DMD: variants seen among roughly 807,000 people sequenced by gnomAD.
DMD encodes dystrophin, also known as mutant dystrophin.
In DMD, 63 loss-of-function variants were observed where a neutral mutation model predicts 330.1. The observed-to-expected ratio is 0.19, with a 90% confidence interval of 0.16 to 0.24. The LOEUF (loss-of-function observed/expected upper bound fraction) is 0.24. Among genes scored for constraint, DMD ranks in the 10% least tolerant of loss-of-function variants. The pLI is 1.00. For synonymous variants in DMD, 1,223 were observed against 959.8 expected, an observed-to-expected ratio of 1.27 and a Z score of -5.07; for missense variants, 3,344 against 2,684.1, an observed-to-expected ratio of 1.25 and a Z score of -5.43.
chrX:32,954,960 G>T (rs768186123), intron 2 of DMD, among the ~76,000 whole-genome samples: 6 of 112,062 alleles, frequency 5.4e-5, no homozygotes, highest in Non-Finnish European at 9.4e-5. Flanking sequence ...CATTTAGGTT[G>T]ATTCCACGTC....
intron 51 of DMD, among the ~76,000 whole-genome samples, chrX:31,748,731 C>T (rs151062509): frequency 8.9e-6 from 1 of 111,832 alleles, no homozygotes; most frequent in African/African-American, 3.2e-5. Context: ...AACTTACAGA[C>T]ACCATTTGAG....
chrX:32,632,875 GC>G (rs910206479), intron 11 of DMD, among the ~76,000 whole-genome samples: 3 of 112,455 alleles, frequency 2.7e-5, no homozygotes, highest in African/African-American at 9.7e-5. Context: ...TCTCTGAAAT[GC>G]CTTCCAGGCC....
At chrX:33,216,153 C>T (rs747395433), upstream of DMD, among the ~76,000 whole-genome samples, 1 of 111,925 alleles carries the variant, frequency 8.9e-6, no homozygotes, top group South Asian at 3.7e-4. Context: ...TTCTTCCAAT[C>T]CAAGAGCATG....
chrX:31,926,686 TA>T (rs778983156), intron 47 of DMD, among the ~76,000 whole-genome samples: 4,914 of 100,500 alleles, frequency 0.049, 87 homozygotes, highest in Non-Finnish European at 0.069. Flanking sequence ...AAAAAATAAA[TA>T]AAAAAAAAAA....
At chrX:32,624,991 T>A (rs1349880933) in intron 11 of DMD, among the ~76,000 whole-genome samples, 1 of 110,989 alleles carries the variant, frequency 9.0e-6, no homozygotes, top group Non-Finnish European at 1.9e-5. Flanking sequence ...GCCAACATGG[T>A]GAAACCCCAT....
At position 32,398,131 on chromosome X, in the gene DMD, G is replaced by T. The variant is rs138559741; in HGVS notation, c.4234-7950C>A. Among the ~76,000 whole-genome samples the T allele has an allele frequency of 9.8e-3, 1,075 of 109,373 alleles. 5 individuals carry two copies. The highest frequency in any genetic ancestry group is 0.013 in the Non-Finnish European group (706 of 52,361). 95.0% of individuals were successfully genotyped at this position (109,373 alleles called of 115,157 possible). A position where few individuals can be genotyped will look rare whatever the true frequency, so the allele number is the denominator to read the frequency against. ...TTTGGGATGATATGTACTTTCCAAA[G>T]ATAGGAAAATGCAAGAAATATAATT... On this transcript the variant is annotated intron_variant, in intron 30 of 78. Transcript: ENST00000357033.
chrX:32,704,934 C>T (rs900105696), intron 7 of DMD, among the ~76,000 whole-genome samples: 3 of 112,061 alleles, frequency 2.7e-5, no homozygotes, highest in African/African-American at 9.7e-5. Flanking sequence ...TTTTTTGAGG[C>T]TTGCATACGA....
intron 60 of DMD, among the ~76,000 whole-genome samples, chrX:31,425,982 C>T (rs763711902): frequency 1.8e-5 from 2 of 111,425 alleles, no homozygotes; most frequent in African/African-American, 3.3e-5. Flanking sequence ...ACTTGGCAAC[C>T]TACTAGAAAT....
At chrX:33,236,866 A>C (rs2052493044) in intron 1 of DMD, among the ~76,000 whole-genome samples, 1 of 111,398 alleles carries the variant, frequency 9.0e-6, no homozygotes, top group African/African-American at 3.3e-5. Flanking sequence ...TTCCAGTTAC[A>C]TGTATTTGTA....
At position 32,544,671 on chromosome X, in the gene DMD, T is replaced by C. The variant is rs180867525; in HGVS notation, c.2168+488A>G. Among the ~76,000 whole-genome samples the C allele has an allele frequency of 3.6e-5, 4 of 110,906 alleles. No individual in the cohort carries two copies. In the Admixed American group the frequency reaches 3.9e-4, roughly 11 times the overall value. On this transcript the variant is annotated intron_variant, in intron 17 of 78. Transcript: ENST00000357033. ...ATATCAAAGAACAGGAAATGTGTTC[T>C]GTAATTACTCCTGATTTAGGATGCG...
intron 52 of DMD, among the ~76,000 whole-genome samples, chrX:31,714,354 G>C (rs1169366680): frequency 8.9e-6 from 1 of 111,892 alleles, no homozygotes; most frequent in East Asian, 2.8e-4. Flanking sequence ...TATTAGCACA[G>C]TGCACTGATA....
intron 55 of DMD, among the ~76,000 whole-genome samples, chrX:31,612,891 T>C (rs1273047598): frequency 1.8e-5 from 2 of 112,336 alleles, no homozygotes; most frequent in Non-Finnish European, 3.8e-5. Context: ...TTATGTTTTA[T>C]TGTAGAAAAA....
chrX:33,142,168 C>T (rs2148589688), intron 1 of DMD, among the ~76,000 whole-genome samples: 1 of 112,351 alleles, frequency 8.9e-6, no homozygotes, highest in South Asian at 3.7e-4. Context: ...TCACTGCAAC[C>T]TCCGCCTCCC....
intron 25 of DMD, among the ~76,000 whole-genome samples, chrX:32,462,423 A>C (rs771485588): frequency 8.9e-6 from 1 of 112,119 alleles, no homozygotes. Context: ...TGGTGAACTT[A>C]AAAGTATTCA....
intron 45 of DMD, among the ~76,000 whole-genome samples, chrX:31,967,926 T>C (rs2095366290): frequency 8.9e-6 from 1 of 112,008 alleles, no homozygotes; most frequent in Non-Finnish European, 1.9e-5. Context: ...CTATCACTTT[T>C]TTTAGCTTCA....
In DMD at chrX:32,428,716, A is replaced by G. The variant is rs774739748; in HGVS notation, c.4071+9525T>C. ...AACCTCTGCCTCCCAGATTCAAGCA[A>G]TTCTCCCACCTCAGCCTCCCAAGCA... On this transcript the variant is annotated intron_variant, in intron 29 of 78. Transcript: ENST00000357033. Among the ~76,000 whole-genome samples, 224 of 111,204 alleles carry G rather than the reference A, an allele frequency of 2.0e-3. 1 individual carries two copies. Among genetic ancestry groups the G allele is most frequent in the African/African-American group, 7.1e-3 (217 of 30,589 alleles).
chrX:31,122,242 T>C (rs1341245870), intron 78 of DMD, among the ~76,000 whole-genome samples: 1 of 112,271 alleles, frequency 8.9e-6, no homozygotes, highest in Non-Finnish European at 1.9e-5. Context: ...AAGAATTCCA[T>C]AGATAAGCAC....
At chrX:32,259,269 G>A (rs1391514252) in intron 43 of DMD, among the ~76,000 whole-genome samples, 3 of 110,033 alleles carry the variant, frequency 2.7e-5, no homozygotes, top group Non-Finnish European at 5.7e-5. Context: ...ATCATATAGC[G>A]ACTGATATTT....
chrX:31,344,780 G>A (rs905238970), intron 61 of DMD, among the ~76,000 whole-genome samples: 3 of 110,281 alleles, frequency 2.7e-5, no homozygotes, highest in African/African-American at 9.9e-5. Context: ...AACCCAGGAC[G>A]GGGGAGGTTG....
Sources: allele counts gnomAD v4.1 joint callset (sites outside exome capture counted in the v4.1 genomes callset), GRCh38; gene constraint gnomAD v4.1.1; transcripts MANE v1.5; gene names NCBI Gene and HGNC (gene_info 2026-07-23, HGNC 2026-07-21).